The following CWF19L2 variants were observed in gnomAD, a reference collection of about 807,000 sequenced individuals.
CWF19L2 encodes CWF19 like cell cycle control factor 2, also known as CWF19-like protein 2.
A neutral mutation model predicts 111.7 loss-of-function variants in CWF19L2; 98 were observed. The observed-to-expected ratio is 0.88, with a 90% CI of 0.75 to 1.04. The LOEUF (loss-of-function observed/expected upper bound fraction) is 1.04. Ranked by LOEUF, CWF19L2 falls within the 50% of genes least tolerant of loss-of-function variation. The pLI is 0.00. For missense variants in CWF19L2, 1,101 were observed against 1,051.4 expected, an observed-to-expected ratio of 1.05 and a Z score of -0.65; for synonymous variants, 351 against 342.9, an observed-to-expected ratio of 1.02 and a Z score of -0.26.
chr11:107,454,328 T>C (rs1861821800), intron 3 of CWF19L2, 122 bp downstream of exon 3: 3 of 753,106 alleles, frequency 4.0e-6, no homozygotes, highest in Non-Finnish European at 5.6e-6. Flanking sequence ...ATCCCAGATA[T>C]TTTCATATCA....
chr11:107,363,043 T>C (rs1349542646), intron 12 of CWF19L2, among the ~76,000 whole-genome samples: 2 of 152,064 alleles, frequency 1.3e-5, no homozygotes, highest in Non-Finnish European at 2.9e-5. Flanking sequence ...CCTCAGGAGC[T>C]GATGAGATCA....
At chr11:107,441,042 T>C (rs1424032362) in intron 5 of CWF19L2, among the ~76,000 whole-genome samples, 1 of 152,212 alleles carries the variant, frequency 6.6e-6, no homozygotes, top group Admixed American at 6.5e-5. Context: ...CTTCTCTGGA[T>C]TCATGCTTTT....
rs1172009884 is a variant in CWF19L2, at chr11:107,378,690, C to T, written c.1872+11384G>A. On this transcript the variant is annotated intron_variant, in intron 12 of 17. Coordinates refer to ENST00000282251, the MANE Select transcript of CWF19L2 (RefSeq NM_152434.3). ...CTAGATGACGAGTTAGTGGGTGCAG[C>T]GCACCAGCATGGCACATGTATACAT... 3.9e-5 allele frequency among the ~76,000 whole-genome samples: 6 copies of T among 152,038 alleles called. No homozygotes were observed. In the South Asian group the frequency reaches 6.2e-4, roughly 16 times the overall value.
chr11:107,357,375 C>T (rs560002890), intron 12 of CWF19L2, among the ~76,000 whole-genome samples: 1 of 152,242 alleles, frequency 6.6e-6, no homozygotes, highest in East Asian at 1.9e-4. Context: ...TTTATCTTAT[C>T]CAAAATATAT....
At chr11:107,334,999 G>A (rs750178758) in intron 15 of CWF19L2, 38 bp from the exon 16 acceptor site, 1 of 1,291,728 alleles carries the variant, frequency 7.7e-7, no homozygotes, top group Non-Finnish European at 1.1e-6. Flanking sequence ...AAAAGAACAT[G>A]TAAGTAAATA....
At chr11:107,402,900 TATAATGGA>T (rs1861027139) in intron 10 of CWF19L2, among the ~76,000 whole-genome samples, 2 of 122,506 alleles carry the variant, frequency 1.6e-5, no homozygotes, top group African/African-American at 6.7e-5. Context: ...TATATATATA[TATAATGGA>T]ATACTATGCA....
chr11:107,444,138 A>G (rs528419492), intron 3 of CWF19L2, among the ~76,000 whole-genome samples: 1 of 144,900 alleles, frequency 6.9e-6, no homozygotes, highest in East Asian at 2.0e-4. Flanking sequence ...ACCTTCCTTG[A>G]CCCCGTATAT....
At chr11:107,456,320 C>T (rs1246823335) in intron 1 of CWF19L2, among the ~76,000 whole-genome samples, 1 of 152,128 alleles carries the variant, frequency 6.6e-6, no homozygotes, top group African/African-American at 2.4e-5. Context: ...TCTTTCTTTC[C>T]CTGTAACTCC....
At chr11:107,387,464 AAAC>A (rs1565263931) in intron 12 of CWF19L2, among the ~76,000 whole-genome samples, 1,727 of 84,854 alleles carry the variant, frequency 0.02, 25 homozygotes, top group African/African-American at 0.061. Flanking sequence ...AAACAAAACA[AAAC>A]AAAAAACAAA....
intron 5 of CWF19L2, 98 bp from the exon 6 acceptor site, chr11:107,439,281 C>A (rs746809668): frequency 2.5e-5 from 17 of 687,530 alleles, no homozygotes; most frequent in Non-Finnish European, 4.0e-5. Flanking sequence ...TAGTCATAAC[C>A]CTGGACAAAT....
chr11:107,428,178 T>C (rs1861407302), intron 8 of CWF19L2, among the ~76,000 whole-genome samples: 1 of 152,126 alleles, frequency 6.6e-6, no homozygotes. Context: ...CCATTCAACC[T>C]GGGTTTCCTC....
chr11:107,364,284 G>A (rs1337827687), intron 12 of CWF19L2, among the ~76,000 whole-genome samples: 1 of 145,532 alleles, frequency 6.9e-6, no homozygotes, highest in Non-Finnish European at 1.5e-5. Flanking sequence ...AGTCAACAAG[G>A]ATACCCAGGA....
chr11:107,446,110 A>C (rs780405387), intron 3 of CWF19L2, among the ~76,000 whole-genome samples: 2 of 152,190 alleles, frequency 1.3e-5, no homozygotes, highest in Non-Finnish European at 2.9e-5. Flanking sequence ...GAAAAAAATG[A>C]ATTTCTATCT....
At chr11:107,423,903 T>C (rs919405863) in intron 8 of CWF19L2, among the ~76,000 whole-genome samples, 9 of 150,230 alleles carry the variant, frequency 6.0e-5, no homozygotes, top group African/African-American at 1.7e-4. Context: ...AATATGACAA[T>C]AGATACCTAC....
intron 14 of CWF19L2, among the ~76,000 whole-genome samples, chr11:107,343,639 T>C (rs948266841): frequency 6.6e-6 from 1 of 152,172 alleles, no homozygotes; most frequent in African/African-American, 2.4e-5. Context: ...CTATTGTTTT[T>C]CTGGTTCCTT....
intron 8 of CWF19L2, among the ~76,000 whole-genome samples, chr11:107,426,700 G>GA (rs1038123752): frequency 7.3e-5 from 11 of 150,972 alleles, no homozygotes; most frequent in East Asian, 3.9e-4. Flanking sequence ...TACTTATTGG[G>GA]AAAAAAAACC....
intron 11 of CWF19L2, 122 bp from the exon 12 acceptor site, chr11:107,390,333 T>C: frequency 1.2e-6 from 1 of 806,414 alleles, no homozygotes; most frequent in Non-Finnish European, 1.9e-6. Context: ...CAACCTTTCC[T>C]TCCAGTTTAT....
At chr11:107,454,764 C>T (rs940866359) in intron 2 of CWF19L2, among the ~76,000 whole-genome samples, 192 bp from the exon 3 acceptor site, 5 of 152,108 alleles carry the variant, frequency 3.3e-5, no homozygotes, top group African/African-American at 1.2e-4. Flanking sequence ...TATGCACTAT[C>T]AATAAATCAT....
chr11:107,345,372 C>A, intron 14 of CWF19L2: 1 of 368,204 alleles, frequency 2.7e-6, no homozygotes, highest in Admixed American at 3.9e-5. Context: ...TAAAAAGCAA[C>A]AGCAATAACA....
Sources: allele counts gnomAD v4.1 joint callset (sites outside exome capture counted in the v4.1 genomes callset), GRCh38; gene constraint gnomAD v4.1.1; transcripts MANE v1.5; gene names NCBI Gene and HGNC (gene_info 2026-07-23, HGNC 2026-07-21).